Variants in LRP1 observed in about 807,000 individuals in gnomAD.
The protein encoded by LRP1 is LDL receptor related protein 1, also known as prolow-density lipoprotein receptor-related protein 1.
LRP1 carries 51 observed loss-of-function variants against 541.5 expected under a neutral mutation model. The observed-to-expected ratio is 0.09, with a 90% CI of 0.08 to 0.12. The LOEUF is 0.12. LRP1 is among the 10% of genes least tolerant of loss of function. LRP1 has a pLI of 1.00. For synonymous variants in LRP1, 2,219 were observed against 2,470.8 expected (o/e 0.90, Z 3.02); for missense variants, 3,878 against 6,376.2 (o/e 0.61, Z 13.34).
chr12:57,194,367 C>T lies in LRP1; in HGVS notation c.7932C>T (p.Cys2644=). 1 of 1,512,274 alleles carries T rather than the reference C, an allele frequency of 6.6e-7. No homozygotes were observed. Among genetic ancestry groups the T allele is most frequent in the Non-Finnish European group, 8.8e-7 (1 of 1,131,390 alleles). 93.7% of individuals were successfully genotyped at this position (1,512,274 alleles called of 1,614,324 possible). The change falls in exon 49 of 89, where the codon TGC becomes TGT. Residue 2644 remains cysteine (C), a synonymous_variant. Transcript: ENST00000243077. The part of the protein sequence containing the change: ...SDEMNCSATD[C]SSYFRLGVKG... ...TGCCCCCACCAGGTGCCACCGACTGCAGCAGCTACTTCCGCCTGGGCGTGA... is the reference window on the plus strand; with the variant it reads ...TGCCCCCACCAGGTGCCACCGACTGTAGCAGCTACTTCCGCCTGGGCGTGA...
In LRP1 at chr12:57,198,277, A is replaced by G. The variant is rs376337159; in HGVS notation, c.9404A>G (p.Tyr3135Cys). The G allele has an allele frequency of 3.1e-6, 5 of 1,613,852 alleles. No individual in the cohort carries two copies. Among genetic ancestry groups the G allele is most frequent in the Non-Finnish European group, 4.2e-6 (5 of 1,179,984 alleles). ...GAGGTGTCCAAGCTCAATGGGGCCT[A>G]TCGGACGGTGCTGGTCAGCTCTGGC... ...TIEVSKLNGA[Y>C]RTVLVSSGLR... Residue 3135 changes from tyrosine (Y) to cysteine (C), a missense_variant, in exon 59 of 89, where the codon TAT becomes TGT. Physicochemically the swap from Tyr to Cys is radical, Grantham distance 194 (BLOSUM62 -2). This residue lies in a region of LRP1 where 1,100 missense variants were observed against 1,827.4 expected (regional missense o/e 0.60). Coordinates refer to ENST00000243077, the MANE Select transcript of LRP1 (RefSeq NM_002332.3).
At chr12:57,169,810 C>T (rs765728947) in intron 20 of LRP1, among the ~76,000 whole-genome samples, 1 of 152,228 alleles carries the variant, frequency 6.6e-6, no homozygotes, top group Admixed American at 6.5e-5. Flanking sequence ...CCACAAGGCT[C>T]CCAGTGCCCT....
At chr12:57,140,185 C>T (rs1447997100) in intron 2 of LRP1, among the ~76,000 whole-genome samples, 2 of 152,120 alleles carry the variant, frequency 1.3e-5, no homozygotes, top group African/African-American at 4.8e-5. Flanking sequence ...AGTGATCCTC[C>T]TGACACAGCT....
In LRP1 at chr12:57,199,902, C is replaced by T; in HGVS notation, c.9891C>T (p.Asn3297=). The change falls in exon 62 of 89, where the codon AAC becomes AAT. Residue 3297 remains asparagine, a synonymous_variant. Transcript: ENST00000243077. ...PDVPNHPCKV[N]NGGCSNLCLL... The stretch of plus-strand genomic sequence containing the variant: ...TGCCCAATCACCCCTGCAAGGTCAA[C>T]AATGGTGGCTGCAGCAACCTGTGCC... 1 of 1,595,156 alleles carries T rather than the reference C, an allele frequency of 6.3e-7. No homozygotes were observed. Among genetic ancestry groups the T allele is most frequent in the Non-Finnish European group, 8.5e-7 (1 of 1,173,168 alleles).
intron 33 of LRP1, 55 bp from the exon 34 acceptor site, chr12:57,181,102 G>A: frequency 1.3e-6 from 2 of 1,587,242 alleles, no homozygotes; most frequent in Non-Finnish European, 1.7e-6. Flanking sequence ...GCCTGACCCT[G>A]AGGTCCCAAG....
chr12:57,207,979 C>T (rs907070492), intron 76 of LRP1, 59 bp from the exon 77 acceptor site: 60 of 1,570,976 alleles, frequency 3.8e-5, no homozygotes, highest in Admixed American at 2.7e-4. Flanking sequence ...AGAGTGGTGG[C>T]GGGGGGATAA....
Position 57,154,341 on chromosome 12 carries a change from C to T in LRP1, c.975C>T (p.Pro325=). ...TGCTAGACCTGGAACTCTACAACCC[C>T]AAGGGCATTGCCCTGGACCCTGCCA... The part of the protein sequence containing the change: ...VTLLDLELYN[P]KGIALDPAMG... Residue 325 remains proline, a synonymous_variant, in exon 7 of 89, where the codon CCC becomes CCT. Transcript: ENST00000243077. This position sits in a 1 kb window ranked among gnomAD's most constrained non-coding sequence, Gnocchi z 4.6. 1 of 1,613,926 alleles carries T rather than the reference C, an allele frequency of 6.2e-7. No homozygotes were observed. Among genetic ancestry groups the T allele is most frequent in the Admixed American group, 1.7e-5 (1 of 60,022 alleles).
intron 4 of LRP1, 105 bp downstream of exon 4, chr12:57,143,903 T>A: frequency 7.1e-7 from 1 of 1,414,440 alleles, no homozygotes; most frequent in Non-Finnish European, 9.4e-7. Context: ...AATAAGAAAC[T>A]AGAAGGAAGG....
At position 57,204,299 on chromosome 12, in the gene LRP1, T is replaced by C; in HGVS notation, c.10952-111T>C. 1 of 1,265,766 alleles carries C rather than the reference T, an allele frequency of 7.9e-7. No homozygotes were observed. The highest frequency in any genetic ancestry group is 1.1e-6 in the Non-Finnish European group (1 of 942,758). 78.4% of individuals were successfully genotyped at this position (1,265,766 alleles called of 1,614,324 possible). A position where few individuals can be genotyped will look rare whatever the true frequency, so the allele number is the denominator to read the frequency against. ...TTAAGAGACCTGGTTCCAATTTGGC[T>C]GTGCCACTGCTTGCCTGGTGACCCC... is the stretch of plus-strand genomic sequence containing the variant. On this transcript the variant is annotated intron_variant, in intron 70 of 88. Transcript: ENST00000243077. This position sits in a 1 kb window ranked among gnomAD's most constrained non-coding sequence, Gnocchi z 5.3.
Position 57,211,833 on chromosome 12 carries a change from G to A in LRP1, c.13258+19G>A. 6.2e-7 allele frequency: 1 copy of A among 1,612,828 alleles called. No individual in the cohort carries two copies. ...CCAGGACGTAGGTGGCAGGGGTTGG[G>A]GCAGGCAGGGCCACCGGGACCTAGA... On this transcript the variant is annotated intron_variant, in intron 86 of 88. Transcript: ENST00000243077. This position sits in a 1 kb window ranked among gnomAD's most constrained non-coding sequence, Gnocchi z 4.3.
chr12:57,171,902 C>T (rs1023548164), intron 20 of LRP1, among the ~76,000 whole-genome samples: 1 of 152,026 alleles, frequency 6.6e-6, no homozygotes. Flanking sequence ...CAGATCATGC[C>T]CTGGCCCTGC....
intron 60 of LRP1, among the ~76,000 whole-genome samples, chr12:57,198,894 G>C (rs1311322931): frequency 6.6e-6 from 1 of 152,200 alleles, no homozygotes; most frequent in African/African-American, 2.4e-5. Flanking sequence ...CCCTTCCCTT[G>C]TATACACAGT....
chr12:57,188,059 A>G (rs1432714709), intron 42 of LRP1, among the ~76,000 whole-genome samples: 2 of 152,216 alleles, frequency 1.3e-5, no homozygotes, highest in African/African-American at 4.8e-5. Flanking sequence ...GGACCTCTGC[A>G]TGCCATAGAG....
chr12:57,180,213 C>A, intron 31 of LRP1, 72 bp downstream of exon 31: 2 of 1,572,878 alleles, frequency 1.3e-6, no homozygotes, highest in Non-Finnish European at 8.7e-7. Flanking sequence ...CAGGGTCCTT[C>A]AGTTGCCCCT....
At chr12:57,210,611 TC>T in intron 82 of LRP1, 106 bp from the exon 83 acceptor site, 1 of 1,452,376 alleles carries the variant, frequency 6.9e-7, no homozygotes, top group South Asian at 1.3e-5. Flanking sequence ...CAGCATCCAG[TC>T]ACTCCAGTCT....
In LRP1 at chr12:57,194,437, G is replaced by T. The variant is rs752089500; in HGVS notation, c.8002G>T (p.Ala2668Ser). Residue 2668 changes from alanine to serine, a missense_variant, in exon 49 of 89, where the codon GCA becomes TCA. Around this residue, in one of 13 missense-constraint regions of LRP1, gnomAD observed 1,100 missense variants for 1,827.4 expected, o/e 0.60. Coordinates refer to ENST00000243077, the MANE Select transcript of LRP1 (RefSeq NM_002332.3). Reference sequence around the variant, plus strand: ...CTGCGAGCGGACCTCACTCTGCTACGCACCCAGCTGGGTGTGTGATGGCGC... The same window carrying T: ...CTGCGAGCGGACCTCACTCTGCTACTCACCCAGCTGGGTGTGTGATGGCGC... ...QPCERTSLCY[A>S]PSWVCDGAND... is the part of the protein sequence containing the mutation. The T allele has an allele frequency of 1.3e-6, 2 of 1,548,784 alleles. No individual in the cohort carries two copies. The highest frequency in any genetic ancestry group is 1.7e-6 in the Non-Finnish European group (2 of 1,146,982).
chr12:57,194,862 G>A, intron 50 of LRP1, 123 bp from the exon 51 acceptor site: 1 of 1,161,592 alleles, frequency 8.6e-7, no homozygotes, highest in Non-Finnish European at 1.3e-6. Context: ...GCCTCTAGCT[G>A]CTGCTGAGCC....
At position 57,204,787 on chromosome 12, in the gene LRP1, G is replaced by T. The variant is rs745396953; in HGVS notation, c.11194+38G>T. ...CCGACGAGAGGCCTGCAGGGGACGG[G>T]TAGTGCACAGTGGGGTGAGTCTGGT... is the stretch of plus-strand genomic sequence containing the variant. On this transcript the variant is annotated intron_variant, in intron 72 of 88. Coordinates refer to ENST00000243077, the MANE Select transcript of LRP1 (RefSeq NM_002332.3). This position sits in a 1 kb window ranked among gnomAD's most constrained non-coding sequence, Gnocchi z 5.3. The T allele has an allele frequency of 2.2e-5, 36 of 1,610,080 alleles. No individual in the cohort carries two copies. Among genetic ancestry groups the T allele is most frequent in the Non-Finnish European group, 2.9e-5 (34 of 1,177,368 alleles).
intron 22 of LRP1, among the ~76,000 whole-genome samples, chr12:57,175,094 G>C (rs2036015943): frequency 6.6e-6 from 1 of 152,114 alleles, no homozygotes; most frequent in South Asian, 2.1e-4. Context: ...AGCACAAGGG[G>C]ACTGGACCTA....
Sources: allele counts gnomAD v4.1 joint callset (sites outside exome capture counted in the v4.1 genomes callset), GRCh38; gene constraint gnomAD v4.1.1; regional missense constraint gnomAD v4.1.1; non-coding constraint Gnocchi (gnomAD v3.1); transcripts MANE v1.5; gene names NCBI Gene and HGNC (gene_info 2026-07-23, HGNC 2026-07-21).